ASIC2: variants seen among roughly 807,000 people sequenced by gnomAD.
ASIC2 encodes acid-sensing ion channel 2.
ASIC2 carries 25 observed loss-of-function variants against 57.3 expected under a neutral mutation model. The observed-to-expected ratio is 0.44, with a 90% confidence interval of 0.32 to 0.61. The LOEUF is 0.61. Ranked by LOEUF, ASIC2 falls within the 20% of genes least tolerant of loss-of-function variation. The pLI is 0.06. For synonymous variants in ASIC2, 319 were observed against 307.5 expected (o/e 1.04, Z -0.39); for missense variants, 641 against 738.1 (o/e 0.87, Z 1.52).
At chr17:33,295,587 G>T (rs1466185696), upstream of ASIC2, among the ~76,000 whole-genome samples, 2 of 152,142 alleles carry the variant, frequency 1.3e-5, no homozygotes, top group Non-Finnish European at 2.9e-5. Context: ...CTCTAGGATA[G>T]CCCTTATCAT....
At chr17:33,818,543 C>T (rs1432276437) in intron 1 of ASIC2, among the ~76,000 whole-genome samples, 2 of 152,052 alleles carry the variant, frequency 1.3e-5, no homozygotes, top group African/African-American at 4.8e-5. Context: ...ATTTTGTCCC[C>T]CAGGAGACAT....
At chr17:34,000,247 T>C (rs1906292859) in intron 1 of ASIC2, among the ~76,000 whole-genome samples, 1 of 136,716 alleles carries the variant, frequency 7.3e-6, no homozygotes, top group South Asian at 2.3e-4. Context: ...TCAGTGGAGA[T>C]CTATTTTTTT....
chr17:33,934,632 C>T (rs1338049263), intron 1 of ASIC2, among the ~76,000 whole-genome samples: 2 of 152,224 alleles, frequency 1.3e-5, no homozygotes. Context: ...GCCAATTTCC[C>T]ATTGCCTACC....
At chr17:33,852,354 G>A (rs1913792128) in intron 1 of ASIC2, among the ~76,000 whole-genome samples, 1 of 152,154 alleles carries the variant, frequency 6.6e-6, no homozygotes, top group African/African-American at 2.4e-5. Flanking sequence ...ATTGGCTTCA[G>A]GATCACCTTA....
At chr17:33,682,146 G>A (rs180869962) in intron 1 of ASIC2, among the ~76,000 whole-genome samples, 195 of 147,818 alleles carry the variant, frequency 1.3e-3, no homozygotes, top group African/African-American at 4.9e-3. Context: ...TGCAAGCTCC[G>A]CCTCCCGAGT....
intron 1 of ASIC2, among the ~76,000 whole-genome samples, chr17:34,112,126 A>G (rs959080827): frequency 6.6e-6 from 1 of 152,180 alleles, no homozygotes. Context: ...GTCTTAGTGG[A>G]AAGAATAATA....
chr17:34,132,266 G>A (rs1441987344), intron 1 of ASIC2, among the ~76,000 whole-genome samples: 1 of 152,152 alleles, frequency 6.6e-6, no homozygotes, highest in Non-Finnish European at 1.5e-5. Flanking sequence ...GGACCTTTGT[G>A]GTGAGTGTTA....
chr17:33,216,747 C>T (rs1907503510), intron 1 of ASIC2, among the ~76,000 whole-genome samples: 1 of 152,152 alleles, frequency 6.6e-6, no homozygotes, highest in South Asian at 2.1e-4. Flanking sequence ...TGATGGGGAG[C>T]CCCAAGAGGG....
chr17:34,038,371 A>T, intron 1 of ASIC2: 1 of 1,611,340 alleles, frequency 6.2e-7, no homozygotes, highest in Non-Finnish European at 8.5e-7. Context: ...CTATTCTGGG[A>T]TGGTCCAGCT....
intron 3 of ASIC2, among the ~76,000 whole-genome samples, chr17:33,036,732 C>T (rs931056861): frequency 6.6e-6 from 1 of 152,030 alleles, no homozygotes; most frequent in African/African-American, 2.4e-5. Flanking sequence ...CTCTAACTGC[C>T]CTGTTCTTCC....
At chr17:33,527,927 G>A (rs530251715) in intron 1 of ASIC2, among the ~76,000 whole-genome samples, 13 of 152,262 alleles carry the variant, frequency 8.5e-5, no homozygotes, top group Non-Finnish European at 1.3e-4. Flanking sequence ...GGCCACTTTC[G>A]CTTTGACATT....
intron 1 of ASIC2, among the ~76,000 whole-genome samples, chr17:33,810,794 A>C (rs547207186): frequency 6.6e-6 from 1 of 152,300 alleles, no homozygotes; most frequent in African/African-American, 2.4e-5. Flanking sequence ...CAGGGTATGC[A>C]CTAAAGGATT....
chr17:33,394,505 C>T (rs561005922), intron 1 of ASIC2, among the ~76,000 whole-genome samples: 1 of 152,150 alleles, frequency 6.6e-6, no homozygotes, highest in African/African-American at 2.4e-5. Context: ...TTGGAAAACA[C>T]TTGGTCAAGG....
At chr17:33,997,208 C>T (rs1906187945) in intron 1 of ASIC2, among the ~76,000 whole-genome samples, 1 of 151,768 alleles carries the variant, frequency 6.6e-6, no homozygotes, top group Non-Finnish European at 1.5e-5. Flanking sequence ...GTGGTGCAGC[C>T]TCGGTTCACT....
At chr17:33,919,367 T>C (rs958383845) in intron 1 of ASIC2, among the ~76,000 whole-genome samples, 2 of 152,122 alleles carry the variant, frequency 1.3e-5, no homozygotes, top group Non-Finnish European at 2.9e-5. Flanking sequence ...AAGCCATGCA[T>C]CTACAATCAT....
chr17:33,232,483 T>TGGTATGGTATGGTATGGTAC (rs1908140609), intron 1 of ASIC2, among the ~76,000 whole-genome samples: 1 of 150,500 alleles, frequency 6.6e-6, no homozygotes, highest in African/African-American at 2.5e-5. Context: ...TGGTATGGTA[T>TGGTATGGTATGGTATGGTAC]GGTATGGTAT....
chr17:33,596,562 C>T (rs951652259), intron 1 of ASIC2, among the ~76,000 whole-genome samples: 5 of 152,110 alleles, frequency 3.3e-5, no homozygotes, highest in African/African-American at 1.2e-4. Context: ...TATCAGCGCC[C>T]CCGGCCTTGG....
chr17:33,125,105 C>A (rs527831635), intron 1 of ASIC2, among the ~76,000 whole-genome samples: 8 of 152,342 alleles, frequency 5.3e-5, no homozygotes, highest in Non-Finnish European at 8.8e-5. Flanking sequence ...CTCTGTGGCC[C>A]AGTTCCCAAC....
chr17:33,707,594 C>T (rs985888581), intron 1 of ASIC2, among the ~76,000 whole-genome samples: 3 of 152,042 alleles, frequency 2.0e-5, no homozygotes, highest in South Asian at 2.1e-4. Context: ...TTCATGGATT[C>T]GATATTTTTT....
Sources: allele counts gnomAD v4.1 joint callset (sites outside exome capture counted in the v4.1 genomes callset), GRCh38; gene constraint gnomAD v4.1.1; transcripts MANE v1.5; gene names NCBI Gene and HGNC (gene_info 2026-07-23, HGNC 2026-07-21).